Variants in PCDHGA2 observed in about 807,000 individuals in gnomAD.
PCDHGA2 encodes the protein protocadherin gamma subfamily A, 2, also known as protocadherin gamma-A2.
Under a neutral mutation model 59.2 loss-of-function variants are expected in PCDHGA2, and 40 were observed. That is an observed-to-expected ratio of 0.68 (90% CI 0.52 to 0.88). PCDHGA2 has a LOEUF of 0.88. PCDHGA2 is among the 40% of genes least tolerant of loss of function. The pLI, the probability that PCDHGA2 is intolerant of heterozygous loss-of-function variation, is 0.00. For synonymous variants in PCDHGA2, 560 were observed against 526.0 expected, an observed-to-expected ratio of 1.06 and a Z score of -0.89; for missense variants, 1,226 against 1,204.0, an observed-to-expected ratio of 1.02 and a Z score of -0.27.
chr5:141,375,785 C>G, intron 1 of PCDHGA2: 1 of 1,614,256 alleles, frequency 6.2e-7, no homozygotes, highest in Non-Finnish European at 8.5e-7. Context: ...CCCCGCCCTC[C>G]CCACAGACGG....
intron 1 of PCDHGA2, chr5:141,427,865 G>T: frequency 6.4e-7 from 1 of 1,558,148 alleles, no homozygotes; most frequent in Non-Finnish European, 8.8e-7. Context: ...GCGCCTTCGA[G>T]CTCACGATGC....
intron 1 of PCDHGA2, chr5:141,417,670 A>T: frequency 1.1e-6 from 1 of 929,118 alleles, no homozygotes; most frequent in Admixed American, 3.2e-5. Context: ...TTCCCTGCGC[A>T]GCCAACAACA....
chr5:141,406,434 A>G (rs1203599965), intron 1 of PCDHGA2, among the ~76,000 whole-genome samples: 1 of 152,238 alleles, frequency 6.6e-6, no homozygotes, highest in Non-Finnish European at 1.5e-5. Context: ...TATTGCTTCT[A>G]TTCTTCCATT....
At chr5:141,393,525 A>G in intron 1 of PCDHGA2, 1 of 1,613,922 alleles carries the variant, frequency 6.2e-7, no homozygotes, top group Non-Finnish European at 8.5e-7. Context: ...TACAAATGAC[A>G]ATGCCCCGGT....
chr5:141,355,658 C>T, intron 1 of PCDHGA2: 1 of 1,614,004 alleles, frequency 6.2e-7, no homozygotes, highest in Non-Finnish European at 8.5e-7. Context: ...GCAAGATTTC[C>T]TCTTCCTGAA....
At chr5:141,393,021 G>A (rs758868753) in intron 1 of PCDHGA2, 1 of 1,613,850 alleles carries the variant, frequency 6.2e-7, no homozygotes, top group Non-Finnish European at 8.5e-7. Context: ...CGTCTCCAGA[G>A]GTAGGACGCA....
chr5:141,422,018 T>C, intron 1 of PCDHGA2: 1 of 1,610,840 alleles, frequency 6.2e-7, no homozygotes, highest in Non-Finnish European at 8.5e-7. Context: ...CGGGTGCTGA[T>C]GGTTAATGCA....
chr5:141,404,387 C>A, intron 1 of PCDHGA2: 1 of 1,613,874 alleles, frequency 6.2e-7, no homozygotes, highest in Non-Finnish European at 8.5e-7. Context: ...TGCCTATGAC[C>A]CTGATAGCAA....
At chr5:141,415,650 A>G in intron 1 of PCDHGA2, 1 of 1,597,054 alleles carries the variant, frequency 6.3e-7, no homozygotes, top group Non-Finnish European at 8.5e-7. Context: ...TTAAAAAAAA[A>G]AAGATTGGTT....
Position 141,372,054 on chromosome 5 carries a change from G to T in PCDHGA2, c.2424+30659G>T, listed in dbSNP as rs377450479. On this transcript the variant is annotated intron_variant, in intron 1 of 3. Transcript: ENST00000394576. ...CGTGAGCCTGCGCGTGTTGGTGGAC[G>T]ACCGCAACGACAATGCACCGCTGGT... The T allele has an allele frequency of 7.4e-6, 12 of 1,613,396 alleles. No individual in the cohort carries two copies. In the African/African-American group the frequency reaches 8.0e-5, roughly 11 times the overall value.
At chr5:141,408,214 C>CT (rs1471079476) in intron 1 of PCDHGA2, 1 of 1,555,074 alleles carries the variant, frequency 6.4e-7, no homozygotes. Flanking sequence ...TGGGAGGGAG[C>CT]TGCGCGCAGA....
At chr5:141,442,294 C>A (rs1194203452) in intron 1 of PCDHGA2, 1 of 152,584 alleles carries the variant, frequency 6.6e-6, no homozygotes, top group Admixed American at 6.5e-5. Context: ...ATGATCCTGT[C>A]TGAGTCTTTC....
intron 3 of PCDHGA2, among the ~76,000 whole-genome samples, chr5:141,510,162 A>C (rs947806998): frequency 6.6e-6 from 1 of 151,838 alleles, no homozygotes; most frequent in Non-Finnish European, 1.5e-5. Flanking sequence ...AATCTCAGCT[A>C]CTCAGGAGGT....
intron 1 of PCDHGA2, chr5:141,478,091 A>G: frequency 6.2e-7 from 1 of 1,613,972 alleles, no homozygotes; most frequent in African/African-American, 1.3e-5. Flanking sequence ...GCTCTCCACC[A>G]CTGCTACCCT....
chr5:141,360,241 T>C lies in PCDHGA2; in HGVS notation c.2424+18846T>C, dbSNP rs371403228. The C allele has an allele frequency of 6.4e-5, 103 of 1,613,930 alleles. No homozygotes were observed. The African/African-American group carries it at 1.3e-3, about 20-fold the overall frequency. ...GGCTCTCCCAGTCCAGATCCGCTATTCAATTCCAGAGGAGCTGGCCAAAAA... is the reference window on the plus strand; with the variant it reads ...GGCTCTCCCAGTCCAGATCCGCTATCCAATTCCAGAGGAGCTGGCCAAAAA... On this transcript the variant is annotated intron_variant, in intron 1 of 3. Transcript: ENST00000394576.
At chr5:141,372,228 A>C (rs755305090) in intron 1 of PCDHGA2, 1 of 1,613,414 alleles carries the variant, frequency 6.2e-7, no homozygotes, top group Non-Finnish European at 8.5e-7. Context: ...TGTGCAGGCC[A>C]GCGAGCCCGG....
At chr5:141,426,052 G>T (rs2096912121) in intron 1 of PCDHGA2, among the ~76,000 whole-genome samples, 1 of 152,162 alleles carries the variant, frequency 6.6e-6, no homozygotes, top group South Asian at 2.1e-4. Flanking sequence ...TGGCCAATGT[G>T]CTGCAAGAAC....
chr5:141,359,465 A>G lies in PCDHGA2; in HGVS notation c.2424+18070A>G, dbSNP rs577049017. Among the ~76,000 whole-genome samples the G allele has an allele frequency of 2.5e-3, 386 of 151,750 alleles. 1 individual carries two copies. The highest frequency in any genetic ancestry group is 8.7e-3 in the African/African-American group (360 of 41,298). ...CTTTTAGCAAATAACAATTTTGATT[A>G]AACAAATTGTTGTATATTCATATTA... On this transcript the variant is annotated intron_variant, in intron 1 of 3. Coordinates refer to ENST00000394576, the MANE Select transcript of PCDHGA2 (RefSeq NM_018915.4).
At position 141,394,528 on chromosome 5, in the gene PCDHGA2, C is replaced by T. The variant is rs1465272752; in HGVS notation, c.2424+53133C>T. Reference sequence around the variant, plus strand: ...TACCCCGCCCTCCCCACAGACGGTTCCACTGGCGTGGAGCTGGCGCCCCGC... The same window carrying T: ...TACCCCGCCCTCCCCACAGACGGTTTCACTGGCGTGGAGCTGGCGCCCCGC... On this transcript the variant is annotated intron_variant, in intron 1 of 3. Transcript: ENST00000394576. 3 of 1,614,096 alleles carry T rather than the reference C, an allele frequency of 1.9e-6. No individual in the cohort carries two copies. The highest frequency in any genetic ancestry group is 2.5e-6 in the Non-Finnish European group (3 of 1,180,058).
Sources: allele counts gnomAD v4.1 joint callset (sites outside exome capture counted in the v4.1 genomes callset), GRCh38; gene constraint gnomAD v4.1.1; transcripts MANE v1.5; gene names NCBI Gene and HGNC (gene_info 2026-07-23, HGNC 2026-07-21).